AATF: variants seen among roughly 807,000 people sequenced by gnomAD.
AATF encodes protein AATF.
A neutral mutation model predicts 63.7 loss-of-function variants in AATF; 48 were observed. That is an observed-to-expected ratio of 0.75 (90% CI 0.60 to 0.96). The LOEUF is 0.96. Ranked by LOEUF, AATF falls within the 40% of genes least tolerant of loss-of-function variation. AATF has a pLI of 0.00. For missense variants in AATF, 639 were observed against 685.7 expected, an observed-to-expected ratio of 0.93 and a Z score of 0.76; for synonymous variants, 258 against 247.7, an observed-to-expected ratio of 1.04 and a Z score of -0.39.
intron 10 of AATF, among the ~76,000 whole-genome samples, chr17:37,028,661 C>T (rs1206670627): frequency 6.6e-6 from 1 of 151,996 alleles, no homozygotes; most frequent in Non-Finnish European, 1.5e-5. Flanking sequence ...TGGTACACTC[C>T]TGTAGTTCCA....
chr17:37,028,186 A>G (rs932769869), intron 10 of AATF, among the ~76,000 whole-genome samples: 44 of 152,102 alleles, frequency 2.9e-4, no homozygotes, highest in African/African-American at 1.0e-3. Context: ...CTGAGGTGGG[A>G]GGATCACTTG....
intron 8 of AATF, among the ~76,000 whole-genome samples, chr17:36,991,213 TGGGCCGTG>T (rs1191016640): frequency 1.3e-5 from 2 of 152,210 alleles, no homozygotes; most frequent in African/African-American, 4.8e-5. Context: ...ACTATTAGAA[TGGGCCGTG>T]GAGCTGGAGG....
chr17:37,010,749 T>C (rs377445285), intron 8 of AATF, among the ~76,000 whole-genome samples: 85 of 152,188 alleles, frequency 5.6e-4, no homozygotes, highest in African/African-American at 5.8e-4. Flanking sequence ...GGAGGAGGCG[T>C]GGGAGGTCAG....
Position 36,949,015 on chromosome 17 carries a change from G to A in AATF, c.-111G>A. Reference sequence around the variant, plus strand: ...TGGCCTCCGCGCGGTCTCTGGCGGAGTCGGGGAATCGGATCAAGGCGAGAG... The same window carrying A: ...TGGCCTCCGCGCGGTCTCTGGCGGAATCGGGGAATCGGATCAAGGCGAGAG... On this transcript the variant is annotated 5_prime_UTR_variant, in exon 1 of 12. Coordinates refer to ENST00000619387, the MANE Select transcript of AATF (RefSeq NM_012138.4). 1.9e-6 allele frequency: 2 copies of A among 1,065,606 alleles called. No individual in the cohort carries two copies. Among genetic ancestry groups the A allele is most frequent in the South Asian group, 1.5e-5 (1 of 66,172 alleles). The allele number at this position is 1,065,606 out of a possible 1,614,324, so 66.0% of individuals were successfully genotyped here. A position where few individuals can be genotyped will look rare whatever the true frequency, so the allele number is the denominator to read the frequency against.
intron 9 of AATF, among the ~76,000 whole-genome samples, chr17:37,019,982 A>G (rs939465773): frequency 6.6e-6 from 1 of 152,224 alleles, no homozygotes; most frequent in Non-Finnish European, 1.5e-5. Context: ...TTAAGATTAC[A>G]GTAATTGGAT....
At position 36,990,860 on chromosome 17, in the gene AATF, G is replaced by A. The variant is rs758669450; in HGVS notation, c.1398+3G>A. 9 of 1,570,152 alleles carry A rather than the reference G, an allele frequency of 5.7e-6. No individual in the cohort carries two copies. In the East Asian group the frequency reaches 1.2e-4, roughly 21 times the overall value. ...ATGATGATGACTTTTACCACCAGGT[G>A]AGACTTTTACACTCTCTTGTTACAA... On this transcript the variant is annotated splice_donor_region_variant and intron_variant, in intron 8 of 11. Coordinates refer to ENST00000619387, the MANE Select transcript of AATF (RefSeq NM_012138.4).
intron 8 of AATF, among the ~76,000 whole-genome samples, chr17:37,000,752 T>C (rs534121970): frequency 2.6e-5 from 4 of 152,108 alleles, no homozygotes; most frequent in African/African-American, 9.6e-5. Context: ...ATTGGGGAGA[T>C]GGGAAGGACC....
At chr17:36,978,371 C>T (rs2071094736) in intron 4 of AATF, among the ~76,000 whole-genome samples, 2 of 152,084 alleles carry the variant, frequency 1.3e-5, no homozygotes, top group South Asian at 2.1e-4. Flanking sequence ...ATTAGCCTAT[C>T]AAGTTGTTTC....
intron 11 of AATF, among the ~76,000 whole-genome samples, chr17:37,035,405 A>T (rs1183450803): frequency 2.7e-5 from 4 of 150,936 alleles, no homozygotes; most frequent in African/African-American, 9.7e-5. Flanking sequence ...TGTTGTCCTT[A>T]TTCAGTTGGA....
chr17:36,997,521 G>A (rs1191725781), intron 8 of AATF, among the ~76,000 whole-genome samples: 1 of 152,142 alleles, frequency 6.6e-6, no homozygotes, highest in Non-Finnish European at 1.5e-5. Context: ...AAAGCACAAT[G>A]CGATACCACC....
chr17:37,015,936 G>A (rs570509706), intron 8 of AATF, among the ~76,000 whole-genome samples: 3 of 152,262 alleles, frequency 2.0e-5, no homozygotes, highest in Admixed American at 2.0e-4. Context: ...TTTCTCTCAC[G>A]AGAGGAGGTG....
intron 2 of AATF, among the ~76,000 whole-genome samples, chr17:36,951,745 AAAT>A (rs144868795): frequency 0.011 from 1,630 of 152,344 alleles, 30 homozygotes; most frequent in African/African-American, 0.038. Context: ...CAAAGAATTT[AAAT>A]AATAATTTCT....
In AATF at chr17:36,989,349, C is replaced by T. The variant is rs989774289; in HGVS notation, c.1252C>T (p.Arg418Ter). 3.1e-6 allele frequency: 5 copies of T among 1,613,898 alleles called. No homozygotes were observed. The highest frequency in any genetic ancestry group is 4.5e-5 in the East Asian group (2 of 44,896). Residue 418 changes from arginine to a stop codon, truncating the protein, a stop_gained, in exon 7 of 12, where the codon CGA becomes TGA. Transcript: ENST00000619387. LOFTEE classifies it high-confidence loss of function. The part of the protein sequence containing the change: ...RRTQTKRSVY[R>*]VLGKPEPAAQ... ...GACACAGACCAAGCGCTCTGTCTATCGAGTTCTTGGCAAACCTGAGCCAGC... is the reference window on the plus strand; with the variant it reads ...GACACAGACCAAGCGCTCTGTCTATTGAGTTCTTGGCAAACCTGAGCCAGC...
At chr17:37,030,002 A>G (rs1441749813) in intron 10 of AATF, among the ~76,000 whole-genome samples, 2 of 151,982 alleles carry the variant, frequency 1.3e-5, no homozygotes. Context: ...CGCCAGGCCA[A>G]CTGTATGTGT....
intron 7 of AATF, among the ~76,000 whole-genome samples, chr17:36,989,976 C>G (rs1022910186): frequency 1.6e-5 from 2 of 123,910 alleles, no homozygotes; most frequent in African/African-American, 5.3e-5. Flanking sequence ...AACGTAACTC[C>G]TGAGGTGAAA....
chr17:37,028,523 C>T (rs547376021), intron 10 of AATF, among the ~76,000 whole-genome samples: 4 of 152,242 alleles, frequency 2.6e-5, no homozygotes, highest in Admixed American at 6.5e-5. Context: ...TGGTGGCTCA[C>T]GCCTGTAATC....
At chr17:37,019,337 C>T (rs1003825235) in intron 9 of AATF, among the ~76,000 whole-genome samples, 1 of 152,174 alleles carries the variant, frequency 6.6e-6, no homozygotes, top group Non-Finnish European at 1.5e-5. Context: ...CCTGGTTTTG[C>T]ATTGTGATTG....
intron 10 of AATF, among the ~76,000 whole-genome samples, chr17:37,031,074 T>C (rs181571203): frequency 6.0e-4 from 91 of 152,258 alleles, no homozygotes; most frequent in African/African-American, 2.1e-3. Context: ...TTTTCTCCTG[T>C]AGCATTAGGG....
At chr17:37,038,875 A>G (rs916656366) in intron 11 of AATF, among the ~76,000 whole-genome samples, 1 of 152,226 alleles carries the variant, frequency 6.6e-6, no homozygotes, top group Non-Finnish European at 1.5e-5. Context: ...CTGGAGTTTT[A>G]GAAAAGAAAT....
Sources: allele counts gnomAD v4.1 joint callset (sites outside exome capture counted in the v4.1 genomes callset), GRCh38; gene constraint gnomAD v4.1.1; transcripts MANE v1.5; gene names NCBI Gene and HGNC (gene_info 2026-07-23, HGNC 2026-07-21).